LARP4B: variants seen among roughly 807,000 people sequenced by gnomAD.
LARP4B encodes La ribonucleoprotein 4B, also known as la-related protein 4B.
Under a neutral mutation model 89.8 loss-of-function variants are expected in LARP4B, and 12 were observed. The ratio of observed to expected loss-of-function variants is 0.13; its 90% CI spans 0.09 to 0.22. The LOEUF is 0.22. Ranked by LOEUF, LARP4B falls within the 10% of genes least tolerant of loss-of-function variation. The pLI, the probability that LARP4B is intolerant of heterozygous loss-of-function variation, is 1.00. For synonymous variants in LARP4B, 367 were observed against 363.3 expected (o/e 1.01, Z -0.12); for missense variants, 757 against 947.7 (o/e 0.80, Z 2.64).
intron 1 of LARP4B, among the ~76,000 whole-genome samples, chr10:919,571 A>G (rs894615617): frequency 6.8e-6 from 1 of 146,984 alleles, no homozygotes; most frequent in African/African-American, 2.5e-5. Context: ...AGTTGTTGCA[A>G]TTTGCTGTAG....
chr10:918,843 G>A lies in LARP4B; in HGVS notation c.-40+12585C>T, dbSNP rs571416652. Among the ~76,000 whole-genome samples, 9 of 152,146 alleles carry A rather than the reference G, an allele frequency of 5.9e-5. No individual in the cohort carries two copies. The East Asian group carries it at 9.7e-4, about 16-fold the overall frequency. ...TGTAATCCCAGCACTTTGGGAGGCC[G>A]AGGTGGGTGGATCACGAGGTCAGGA... On this transcript the variant is annotated intron_variant, in intron 1 of 17. Transcript: ENST00000316157.
chr10:884,386 A>C lies in LARP4B; in HGVS notation c.141+61T>G, dbSNP rs1369288416. The C allele has an allele frequency of 1.9e-5, 21 of 1,101,216 alleles. No individual in the cohort carries two copies. The East Asian group carries it at 4.0e-4, about 21-fold the overall frequency. The allele number at this position is 1,101,216 out of a possible 1,614,324, so 68.2% of individuals were successfully genotyped here. ...GTTACAATAAACATTTTTCTTAAGG[A>C]AGTATCTCTGAGCCTTGACTGTGAT... is the stretch of plus-strand genomic sequence containing the variant. On this transcript the variant is annotated intron_variant, in intron 3 of 17. Transcript: ENST00000316157.
intron 7 of LARP4B, among the ~76,000 whole-genome samples, chr10:840,205 C>T (rs977194467): frequency 7.9e-5 from 12 of 152,256 alleles, no homozygotes; most frequent in Middle Eastern, 3.4e-3. Context: ...TTAAAACTTA[C>T]GAAATGTACA....
At position 825,266 on chromosome 10, in the gene LARP4B, C is replaced by A; in HGVS notation, c.1283G>T (p.Gly428Val). 2 of 1,614,172 alleles carry A rather than the reference C, an allele frequency of 1.2e-6. No homozygotes were observed. Among genetic ancestry groups the A allele is most frequent in the Non-Finnish European group, 1.7e-6 (2 of 1,180,000 alleles). ...TGAAGGACTTTCTAATAACCCAGGT[C>A]CCCTCTCTGCACTAGGAATCGCATG... ...LRHAIPSAERGPGLLESPSIF... is the reference protein window; with the variant it reads ...LRHAIPSAERVPGLLESPSIF... Residue 428 changes from glycine (G) to valine (V), a missense_variant, in exon 13 of 18, where the codon GGA (glycine) becomes GTA (valine). By Grantham distance (109) the Gly-to-Val change is moderately radical. Coordinates refer to ENST00000316157, the MANE Select transcript of LARP4B (RefSeq NM_015155.3).
intron 1 of LARP4B, among the ~76,000 whole-genome samples, chr10:925,919 C>T (rs1478250788): frequency 2.0e-5 from 3 of 152,138 alleles, no homozygotes; most frequent in Non-Finnish European, 4.4e-5. Context: ...ATACTTTATG[C>T]GCTAAATGTA....
At chr10:912,946 G>A (rs998138409) in intron 1 of LARP4B, among the ~76,000 whole-genome samples, 10 of 152,064 alleles carry the variant, frequency 6.6e-5, no homozygotes, top group African/African-American at 1.9e-4. Context: ...ATCTGTAAGG[G>A]CATCTCCCTT....
chr10:837,686 G>T (rs972507363), intron 7 of LARP4B, among the ~76,000 whole-genome samples: 1 of 152,192 alleles, frequency 6.6e-6, no homozygotes, highest in Non-Finnish European at 1.5e-5. Context: ...CCCCAGACAC[G>T]TGGGGTGCTG....
intron 5 of LARP4B, among the ~76,000 whole-genome samples, chr10:851,317 G>A (rs1475225306): frequency 6.6e-6 from 1 of 151,838 alleles, no homozygotes; most frequent in Non-Finnish European, 1.5e-5. Flanking sequence ...CCGAGGAGCT[G>A]GGACCACAGG....
chr10:850,043 C>G (rs1184505432), intron 5 of LARP4B, among the ~76,000 whole-genome samples: 1 of 142,840 alleles, frequency 7.0e-6, no homozygotes, highest in Non-Finnish European at 1.5e-5. Context: ...TGTATCACTA[C>G]TGGTTCAGTG....
intron 3 of LARP4B, among the ~76,000 whole-genome samples, chr10:868,320 A>T (rs1835020034): frequency 6.6e-6 from 1 of 151,436 alleles, no homozygotes; most frequent in African/African-American, 2.4e-5. Flanking sequence ...GAACCATACA[A>T]GGCTCTACCT....
chr10:891,006 G>C (rs796678506), intron 1 of LARP4B, among the ~76,000 whole-genome samples: 1 of 152,100 alleles, frequency 6.6e-6, no homozygotes, highest in Non-Finnish European at 1.5e-5. Context: ...AGATTTTTAA[G>C]ATTCTTATGA....
intron 1 of LARP4B, among the ~76,000 whole-genome samples, chr10:913,439 A>G (rs186423316): frequency 6.6e-6 from 1 of 152,340 alleles, no homozygotes; most frequent in African/African-American, 2.4e-5. Flanking sequence ...TAGAAACTCA[A>G]ATGTCTTTTA....
At chr10:821,977 C>T (rs1470290458) in intron 13 of LARP4B, among the ~76,000 whole-genome samples, 1 of 152,202 alleles carries the variant, frequency 6.6e-6, no homozygotes, top group Non-Finnish European at 1.5e-5. Flanking sequence ...GCTTGGTGCT[C>T]CTTGTCCTGG....
At position 829,503 on chromosome 10, in the gene LARP4B, C is replaced by T. The variant is rs1163457856; in HGVS notation, c.1007G>A (p.Arg336His). The T allele has an allele frequency of 3.1e-6, 5 of 1,614,014 alleles. No individual in the cohort carries two copies. Among genetic ancestry groups the T allele is most frequent in the Admixed American group, 1.7e-5 (1 of 59,990 alleles). Residue 336 changes from arginine (R) to histidine (H), a missense_variant, in exon 11 of 18, where the codon CGC (arginine) becomes CAC (histidine). Transcript: ENST00000316157. Reference sequence around the variant, plus strand: ...AGGGAAGTAGAACGACGTCGCGTAGCGCTGCTGGGCATACAGGCTCACGTC... The same window carrying T: ...AGGGAAGTAGAACGACGTCGCGTAGTGCTGCTGGGCATACAGGCTCACGTC... ...PLDVSLYAQQ[R>H]YATSFYFPPM...
In LARP4B at chr10:817,978, A is replaced by G. The variant is rs1832152414; in HGVS notation, c.1531-89T>C. 9.3e-6 allele frequency: 12 copies of G among 1,283,870 alleles called. No individual in the cohort carries two copies. In the South Asian group the frequency reaches 1.7e-4, roughly 18 times the overall value. The allele number at this position is 1,283,870 out of a possible 1,614,324, so 79.5% of individuals were successfully genotyped here. ...CCACACCTGTCTGGAAAATATCTGT[A>G]GAAACAAGCAGATCATTCAACCCAG... On this transcript the variant is annotated intron_variant, in intron 14 of 17. Coordinates refer to ENST00000316157, the MANE Select transcript of LARP4B (RefSeq NM_015155.3).
chr10:852,055 A>C (rs571912872), intron 5 of LARP4B, among the ~76,000 whole-genome samples: 1 of 152,092 alleles, frequency 6.6e-6, no homozygotes, highest in Non-Finnish European at 1.5e-5. Flanking sequence ...GCAGAGCAAG[A>C]CTCTGTGAGC....
At chr10:874,238 CA>C (rs1564424490) in intron 3 of LARP4B, among the ~76,000 whole-genome samples, 1 of 118,494 alleles carries the variant, frequency 8.4e-6, no homozygotes, top group African/African-American at 3.1e-5. Flanking sequence ...CCATCTCAAA[CA>C]AAACAAAACA....
chr10:908,718 G>A (rs1330026696), intron 1 of LARP4B, among the ~76,000 whole-genome samples: 2 of 152,202 alleles, frequency 1.3e-5, no homozygotes, highest in Non-Finnish European at 2.9e-5. Flanking sequence ...GAGAAAAACC[G>A]CTTTTTCTTC....
At chr10:884,399 C>G in intron 3 of LARP4B, 48 bp downstream of exon 3, 1 of 1,216,090 alleles carries the variant, frequency 8.2e-7, no homozygotes, top group Non-Finnish European at 1.2e-6. Context: ...TATCTCTGAG[C>G]CTTGACTGTG....
Sources: gnomAD v4.1 joint callset for allele counts (sites outside exome capture counted in the v4.1 genomes callset) on GRCh38, gnomAD v4.1.1 for gene constraint, MANE v1.5 for transcripts, NCBI Gene and HGNC (gene_info 2026-07-23, HGNC 2026-07-21) for gene names.